Variants in PRKG1 observed in about 807,000 individuals in gnomAD.
PRKG1 encodes cGMP-dependent protein kinase 1.
PRKG1 carries 35 observed loss-of-function variants against 88.1 expected under a neutral mutation model. The observed-to-expected ratio is 0.40, with a 90% CI of 0.30 to 0.53. The LOEUF is 0.53. Ranked by LOEUF, PRKG1 falls within the 20% of genes least tolerant of loss-of-function variation. The pLI is 0.59. For synonymous variants in PRKG1, 303 were observed against 292.5 expected, an observed-to-expected ratio of 1.04 and a Z score of -0.37; for missense variants, 540 against 839.8, an observed-to-expected ratio of 0.64 and a Z score of 4.41.
chr10:51,717,088 G>A (rs528087402), intron 3 of PRKG1, among the ~76,000 whole-genome samples: 6 of 152,326 alleles, frequency 3.9e-5, no homozygotes, highest in South Asian at 4.1e-4. Context: ...GGTGGGCAGC[G>A]GAATTCCAGC....
chr10:51,098,490 G>A (rs1223663171), intron 1 of PRKG1, among the ~76,000 whole-genome samples: 2 of 152,182 alleles, frequency 1.3e-5, no homozygotes, highest in Non-Finnish European at 2.9e-5. Context: ...AAGTGAATTG[G>A]TAGAGATATT....
chr10:51,175,026 G>A (rs1443199961), intron 2 of PRKG1, among the ~76,000 whole-genome samples: 1 of 151,876 alleles, frequency 6.6e-6, no homozygotes, highest in African/African-American at 2.4e-5. Flanking sequence ...AAAAGGATTT[G>A]TGAATTCCCA....
intron 5 of PRKG1, among the ~76,000 whole-genome samples, chr10:51,955,770 A>G (rs1342226852): frequency 6.6e-6 from 1 of 152,110 alleles, no homozygotes; most frequent in Non-Finnish European, 1.5e-5. Context: ...TTTATGTATA[A>G]TTTCCCCCAG....
chr10:51,295,435 T>C (rs1321344808), intron 2 of PRKG1, among the ~76,000 whole-genome samples: 1 of 152,156 alleles, frequency 6.6e-6, no homozygotes, highest in East Asian at 1.9e-4. Flanking sequence ...AGATAGTTTG[T>C]TGTTTGTGTA....
intron 3 of PRKG1, among the ~76,000 whole-genome samples, chr10:51,574,747 A>C (rs1837841592): frequency 6.6e-6 from 1 of 152,020 alleles, no homozygotes; most frequent in Admixed American, 6.6e-5. Flanking sequence ...TATCTGGCAC[A>C]CAGTCAATAA....
At chr10:51,845,766 T>G (rs1176966458) in intron 4 of PRKG1, among the ~76,000 whole-genome samples, 1 of 152,144 alleles carries the variant, frequency 6.6e-6, no homozygotes, top group Non-Finnish European at 1.5e-5. Context: ...TAGCTTTTTT[T>G]GGCAAAGGGT....
chr10:51,080,635 A>T (rs867888168), intron 1 of PRKG1, among the ~76,000 whole-genome samples: 2 of 152,228 alleles, frequency 1.3e-5, no homozygotes, highest in African/African-American at 4.8e-5. Context: ...AATGTGATAA[A>T]TAAGCACATG....
chr10:51,550,183 G>A (rs566243154), intron 3 of PRKG1, among the ~76,000 whole-genome samples: 1 of 152,004 alleles, frequency 6.6e-6, no homozygotes, highest in Non-Finnish European at 1.5e-5. Flanking sequence ...TATTGAATGT[G>A]AACATGTAAA....
chr10:51,906,592 A>G (rs1401685198), intron 4 of PRKG1, among the ~76,000 whole-genome samples: 1 of 152,212 alleles, frequency 6.6e-6, no homozygotes, highest in Non-Finnish European at 1.5e-5. Flanking sequence ...AAGACCCAGA[A>G]TGAATAAAAG....
intron 2 of PRKG1, among the ~76,000 whole-genome samples, chr10:51,288,223 T>G (rs1431499805): frequency 6.6e-6 from 1 of 152,176 alleles, no homozygotes; most frequent in Non-Finnish European, 1.5e-5. Flanking sequence ...ACATGTGCCA[T>G]GCCGATGAGT....
chr10:51,028,590 A>AG (rs397757553), intron 1 of PRKG1, among the ~76,000 whole-genome samples: 9 of 151,698 alleles, frequency 5.9e-5, no homozygotes, highest in African/African-American at 2.2e-4. Flanking sequence ...GGAAAAAAAA[A>AG]TTCAGATAAC....
chr10:51,593,344 G>C (rs1589114285), intron 3 of PRKG1, among the ~76,000 whole-genome samples: 1 of 152,108 alleles, frequency 6.6e-6, no homozygotes, highest in South Asian at 2.1e-4. Context: ...CTAGTTTTCA[G>C]TTCCAATTAC....
chr10:51,677,664 T>C (rs1297885193), intron 3 of PRKG1, among the ~76,000 whole-genome samples: 2 of 152,204 alleles, frequency 1.3e-5, no homozygotes, highest in Non-Finnish European at 2.9e-5. Flanking sequence ...CTTCTAGCTA[T>C]GATTAGAGTC....
intron 9 of PRKG1, among the ~76,000 whole-genome samples, chr10:52,195,949 G>A (rs1295702931): frequency 6.6e-6 from 1 of 152,104 alleles, no homozygotes; most frequent in Non-Finnish European, 1.5e-5. Flanking sequence ...TGAAAAAATG[G>A]AAATTGATCC....
At chr10:51,951,297 C>G (rs1843178227) in intron 5 of PRKG1, among the ~76,000 whole-genome samples, 1 of 152,022 alleles carries the variant, frequency 6.6e-6, no homozygotes, top group African/African-American at 2.4e-5. Flanking sequence ...AGTAGAAGGC[C>G]AAAAGAATGT....
chr10:51,068,852 C>T (rs574872779), intron 1 of PRKG1, among the ~76,000 whole-genome samples: 38 of 152,048 alleles, frequency 2.5e-4, no homozygotes, highest in African/African-American at 4.6e-4. Context: ...ATATTCATTA[C>T]GCTTCAAATG....
chr10:51,069,059 C>G (rs1843789034), intron 1 of PRKG1, among the ~76,000 whole-genome samples: 1 of 151,588 alleles, frequency 6.6e-6, no homozygotes, highest in South Asian at 2.1e-4. Flanking sequence ...TTCATGAGAA[C>G]TAGTTTAGCC....
intron 7 of PRKG1, among the ~76,000 whole-genome samples, chr10:52,129,566 T>G (rs1010418911): frequency 3.9e-5 from 6 of 152,290 alleles, no homozygotes; most frequent in Admixed American, 3.9e-4. Context: ...GACACCCTCT[T>G]AGAGAGCTAC....
intron 2 of PRKG1, among the ~76,000 whole-genome samples, chr10:51,453,407 T>A (rs1282371441): frequency 6.6e-6 from 1 of 152,052 alleles, no homozygotes; most frequent in African/African-American, 2.4e-5. Context: ...GATCTTAGGT[T>A]GTATATTTGT....
Sources: allele counts gnomAD v4.1 joint callset (sites outside exome capture counted in the v4.1 genomes callset), GRCh38; gene constraint gnomAD v4.1.1; transcripts MANE v1.5; gene names NCBI Gene and HGNC (gene_info 2026-07-23, HGNC 2026-07-21).